The following NFKBIB variants were observed in gnomAD, a reference collection of about 807,000 sequenced individuals.
NFKBIB encodes the protein NF-kappa-B inhibitor beta.
Under a neutral mutation model 32.1 loss-of-function variants are expected in NFKBIB, and 16 were observed. That is an observed-to-expected ratio of 0.50 (90% CI 0.34 to 0.76). The LOEUF (loss-of-function observed/expected upper bound fraction) is 0.76. Ranked by LOEUF, NFKBIB falls within the 30% of genes least tolerant of loss-of-function variation. The pLI is 0.01. For missense variants in NFKBIB, 437 were observed against 514.9 expected (o/e 0.85, Z 1.46); for synonymous variants, 222 against 219.5 (o/e 1.01, Z -0.10).
intron 1 of NFKBIB, among the ~76,000 whole-genome samples, chr19:38,900,478 C>T (rs1213522156): frequency 1.3e-5 from 2 of 152,206 alleles, no homozygotes; most frequent in East Asian, 1.9e-4. Context: ...GATACCCAAA[C>T]CTGACTCCAG....
intron 1 of NFKBIB, among the ~76,000 whole-genome samples, chr19:38,904,084 AAAATAAAT>A (rs58249749): frequency 1.9e-4 from 29 of 151,086 alleles, no homozygotes; most frequent in African/African-American, 4.6e-4. Flanking sequence ...AATAAAAATT[AAAATAAAT>A]AAATAAATAA....
At chr19:38,908,552 A>AAG (rs1375702626) in intron 5 of NFKBIB, 179 bp from the exon 6 acceptor site, 8 of 1,317,148 alleles carry the variant, frequency 6.1e-6, no homozygotes, top group African/African-American at 3.1e-5. Context: ...AAAAAAAAAA[A>AAG]AAAAAAGAAA....
chr19:38,902,932 G>A (rs1237012419), intron 1 of NFKBIB, among the ~76,000 whole-genome samples: 2 of 152,092 alleles, frequency 1.3e-5, no homozygotes, highest in Non-Finnish European at 2.9e-5. Context: ...AAAGTTAGCT[G>A]GCAGTGGTGG....
At position 38,905,523 on chromosome 19, in the gene NFKBIB, G is replaced by A. The variant is rs1411413795; in HGVS notation, c.607G>A (p.Glu203Lys). ...EEDWKLQLEA[E>K]NYEGHTPLHV... ...GGACTGGAAGCTGCAGCTGGAGGCT[G>A]AAAACTACGAGGGTGAGGGTCGTCA... The change falls in exon 3 of 6, where the codon GAA becomes AAA. Residue 203 changes from glutamate (E) to lysine (K), a missense_variant. Glu to Lys is a moderately conservative substitution (Grantham distance 56). Coordinates refer to ENST00000313582, the MANE Select transcript of NFKBIB (RefSeq NM_002503.5). This position sits in a 1 kb window ranked among gnomAD's most constrained non-coding sequence, Gnocchi z 5.5. The A allele has an allele frequency of 6.2e-7, 1 of 1,607,508 alleles. No individual in the cohort carries two copies. The highest frequency in any genetic ancestry group is 8.5e-7 in the Non-Finnish European group (1 of 1,176,482).
chr19:38,907,697 G>C (rs1974186652), intron 5 of NFKBIB, 38 bp downstream of exon 5: 1 of 1,554,696 alleles, frequency 6.4e-7, no homozygotes, highest in Non-Finnish European at 8.7e-7. Context: ...CCAGCTGGGG[G>C]GTCAGGATAG....
chr19:38,899,749 C>T, upstream of NFKBIB: 3 of 715,902 alleles, frequency 4.2e-6, no homozygotes, highest in South Asian at 5.0e-5. Flanking sequence ...GGTAAGAAAG[C>T]GCGCGAGGAC....
rs1974103403 is a variant in NFKBIB, at chr19:38,905,890, G to A, written c.619+355G>A. Among the ~76,000 whole-genome samples, 1 of 152,118 alleles carries A rather than the reference G, an allele frequency of 6.6e-6. No individual in the cohort carries two copies. The highest frequency in any genetic ancestry group is 6.5e-5 in the Admixed American group (1 of 15,282). The stretch of plus-strand genomic sequence containing the variant: ...GGAATGCAGAGCTCAGGCCCTCTGT[G>A]AAACTCTGGCACCCCAGGCTCCCAG... On this transcript the variant is annotated intron_variant, in intron 3 of 5. Coordinates refer to ENST00000313582, the MANE Select transcript of NFKBIB (RefSeq NM_002503.5). The surrounding 1 kb of genome is among the most constrained non-coding windows in gnomAD (Gnocchi z 5.5).
rs765195500 is a variant in NFKBIB, at chr19:38,905,418, C to G, written c.502C>G (p.Arg168Gly). The change falls in exon 3 of 6, where the codon CGT becomes GGT. Residue 168 changes from arginine to glycine, a missense_variant. Arg to Gly is a moderately radical substitution (Grantham distance 125, BLOSUM62 -2). Transcript: ENST00000313582. The surrounding 1 kb of genome is among the most constrained non-coding windows in gnomAD (Gnocchi z 5.5). The stretch of plus-strand genomic sequence containing the variant: ...CACCTACCTCGCTCAGGGCCCTGAC[C>G]GTACTCCCGACACCAACCATACCCC... ...PDTYLAQGPD[R>G]TPDTNHTPVA... 6.2e-7 allele frequency: 1 copy of G among 1,613,708 alleles called. No homozygotes were observed. The highest frequency in any genetic ancestry group is 1.3e-5 in the African/African-American group (1 of 74,900).
chr19:38,902,891 T>C (rs1050651358), intron 1 of NFKBIB, among the ~76,000 whole-genome samples: 4 of 151,966 alleles, frequency 2.6e-5, no homozygotes, highest in Non-Finnish European at 4.4e-5. Context: ...CTGGCTAACA[T>C]GGTGAAACCT....
rs1257273634 is a variant in NFKBIB, at chr19:38,902,074, TCA to T, written c.179+1864_179+1865del. The stretch of plus-strand genomic sequence containing the variant: ...TCCTGCTCCTTCTGTATAGTGTTTT[TCA>T]TTTTATTTCTTTTTTTTTTTTTGAG... On this transcript the variant is annotated intron_variant, in intron 1 of 5. Coordinates refer to ENST00000313582, the MANE Select transcript of NFKBIB (RefSeq NM_002503.5). Among the ~76,000 whole-genome samples, 506 of 122,192 alleles carry T rather than the reference TCA, an allele frequency of 4.1e-3. 7 individuals are homozygous for T. The highest frequency in any genetic ancestry group is 7.4e-3 in the Non-Finnish European group (430 of 57,898). The allele number at this position is 122,192 out of a possible 152,430, so 80.2% of individuals were successfully genotyped here. A position where few individuals can be genotyped will look rare whatever the true frequency, so the allele number is the denominator to read the frequency against.
intron 3 of NFKBIB, 52 bp from the exon 4 acceptor site, chr19:38,907,169 G>A (rs1405713731): frequency 6.7e-7 from 1 of 1,498,796 alleles, no homozygotes; most frequent in Non-Finnish European, 9.2e-7. Context: ...AAGCACGGTG[G>A]GGTGGGGGGG....
intron 5 of NFKBIB, chr19:38,908,150 G>C (rs1974205836): frequency 1.0e-6 from 1 of 997,610 alleles, no homozygotes; most frequent in Non-Finnish European, 1.2e-6. Flanking sequence ...GAGGAATTTG[G>C]GTAAAGGCAG....
intron 1 of NFKBIB, among the ~76,000 whole-genome samples, chr19:38,903,530 T>C (rs8105034): frequency 6.6e-6 from 1 of 152,032 alleles, no homozygotes; most frequent in Non-Finnish European, 1.5e-5. Flanking sequence ...TCAAGTGATC[T>C]GCCCGCCTTG....
At chr19:38,902,075 C>CTTTTTTTT (rs1973982265) in intron 1 of NFKBIB, among the ~76,000 whole-genome samples, 1 of 90,992 alleles carries the variant, frequency 1.1e-5, no homozygotes, top group African/African-American at 3.6e-5. Flanking sequence ...TAGTGTTTTT[C>CTTTTTTTT]ATTTTATTTC....
intron 5 of NFKBIB, 33 bp downstream of exon 5, chr19:38,907,692 T>TG: frequency 1.3e-6 from 2 of 1,568,860 alleles, no homozygotes; most frequent in Non-Finnish European, 1.7e-6. Flanking sequence ...GCAGCCCAGC[T>TG]GGGGGGTCAG....
At chr19:38,902,081 A>ATTTTTTTTTTTTTTTTTTTTT (rs1220793422) in intron 1 of NFKBIB, among the ~76,000 whole-genome samples, 1 of 56,460 alleles carries the variant, frequency 1.8e-5, no homozygotes, top group Non-Finnish European at 3.7e-5. Context: ...TTTTCATTTT[A>ATTTTTTTTTTTTTTTTTTTTT]TTTCTTTTTT....
At chr19:38,907,153 G>C (rs1165240288) in intron 3 of NFKBIB, 68 bp from the exon 4 acceptor site, 4 of 1,440,900 alleles carry the variant, frequency 2.8e-6, no homozygotes, top group Non-Finnish European at 3.8e-6. Context: ...CCCTCCCCCA[G>C]GATCAAAGCA....
In NFKBIB at chr19:38,905,776, A is replaced by C. The variant is rs1974100342; in HGVS notation, c.619+241A>C. 6.6e-6 allele frequency among the ~76,000 whole-genome samples: 1 copy of C among 152,006 alleles called. No homozygotes were observed. Among genetic ancestry groups the C allele is most frequent in the African/African-American group, 2.4e-5 (1 of 41,376 alleles). On this transcript the variant is annotated intron_variant, in intron 3 of 5. Coordinates refer to ENST00000313582, the MANE Select transcript of NFKBIB (RefSeq NM_002503.5). The surrounding 1 kb of genome is among the most constrained non-coding windows in gnomAD (Gnocchi z 5.5). ...CTTGGGATGCAGACCTGTCACCCAC[A>C]GACCCAGAGCTGCCAGGATCCAGTT...
chr19:38,903,431 A>G (rs1974025600), intron 1 of NFKBIB, among the ~76,000 whole-genome samples: 1 of 152,010 alleles, frequency 6.6e-6, no homozygotes, highest in Non-Finnish European at 1.5e-5. Flanking sequence ...TTACAGGCGC[A>G]TGCCACCATG....
Sources: allele counts gnomAD v4.1 joint callset (sites outside exome capture counted in the v4.1 genomes callset), GRCh38; gene constraint gnomAD v4.1.1; non-coding constraint Gnocchi (gnomAD v3.1); transcripts MANE v1.5; gene names NCBI Gene and HGNC (gene_info 2026-07-23, HGNC 2026-07-21).